KIF24: variants seen among roughly 807,000 people sequenced by gnomAD.
KIF24 encodes the protein kinesin-like protein KIF24.
Under a neutral mutation model 118.9 loss-of-function variants are expected in KIF24, and 81 were observed. That is an observed-to-expected ratio of 0.68 (90% CI 0.57 to 0.82). KIF24 has a LOEUF of 0.82. Ranked by LOEUF, KIF24 falls within the 40% of genes least tolerant of loss-of-function variation. The pLI is 0.00. For missense variants in KIF24, 1,560 were observed against 1,661.6 expected (o/e 0.94, Z 1.06); for synonymous variants, 599 against 610.0 (o/e 0.98, Z 0.27).
chr9:34,298,007 G>A (rs529383157), intron 3 of KIF24, among the ~76,000 whole-genome samples: 3 of 152,062 alleles, frequency 2.0e-5, no homozygotes, highest in South Asian at 2.1e-4. Context: ...GATAAAGTAC[G>A]TGTCGATTTC....
intron 8 of KIF24, among the ~76,000 whole-genome samples, chr9:34,263,393 G>C (rs530440588): frequency 1.3e-5 from 2 of 152,280 alleles, no homozygotes; most frequent in South Asian, 2.1e-4. Context: ...TCCCAGCTTA[G>C]AGGCTGGGAT....
At chr9:34,308,530 C>T (rs1345333181) in intron 2 of KIF24, among the ~76,000 whole-genome samples, 4 of 151,656 alleles carry the variant, frequency 2.6e-5, no homozygotes, top group South Asian at 4.2e-4. Flanking sequence ...GTGATCCACC[C>T]GCCTTGGCCT....
chr9:34,262,688 A>ATG (rs1835132451), intron 9 of KIF24, among the ~76,000 whole-genome samples: 4 of 27,416 alleles, frequency 1.5e-4, no homozygotes, highest in Non-Finnish European at 2.2e-4. Flanking sequence ...ATATATATAT[A>ATG]TATATATATA....
chr9:34,256,592 G>C lies in KIF24; in HGVS notation c.3015C>G (p.Thr1005=). ...CTGCACTGACTTCTCTCAGAGGTGT[G>C]GTGACTGTGTCTCTTTGGTCTGGGG... ...PGSPDQRDTV[T]TPLREVSADG... is the part of the protein sequence containing the mutation. The change falls in exon 11 of 13, where the codon ACC becomes ACG. Residue 1005 remains threonine, a synonymous_variant. Coordinates refer to ENST00000402558, the MANE Select transcript of KIF24 (RefSeq NM_194313.4). 6.2e-7 allele frequency: 1 copy of C among 1,613,996 alleles called. No homozygotes were observed. The highest frequency in any genetic ancestry group is 8.5e-7 in the Non-Finnish European group (1 of 1,179,900).
chr9:34,272,700 G>A (rs974214222), intron 6 of KIF24, among the ~76,000 whole-genome samples: 3 of 152,178 alleles, frequency 2.0e-5, no homozygotes, highest in Non-Finnish European at 4.4e-5. Flanking sequence ...ATAGCTCACT[G>A]CAGCCATGAC....
intron 1 of KIF24, among the ~76,000 whole-genome samples, chr9:34,319,821 A>T (rs1432457627): frequency 2.0e-5 from 3 of 152,074 alleles, no homozygotes; most frequent in Non-Finnish European, 4.4e-5. Flanking sequence ...TCCCAGCTAG[A>T]ATTTACTCCA....
rs139666494 is a variant in KIF24 at position 34,305,940 on chromosome 9, TTCC to T, written c.813+309_813+311del. ...TATTTAAATTATTTTTATTCCTTCA[TTCC>T]TCCTTTTTTTTGCTGAATATGTATA... On this transcript the variant is annotated intron_variant, in intron 3 of 12. Coordinates refer to ENST00000402558, the MANE Select transcript of KIF24 (RefSeq NM_194313.4). Among the ~76,000 whole-genome samples, 645 of 152,316 alleles carry T rather than the reference TTCC, an allele frequency of 4.2e-3. 5 individuals are homozygous for T. The highest frequency in any genetic ancestry group is 0.015 in the African/African-American group (609 of 41,572).
In KIF24 at chr9:34,318,991, T is replaced by C. The variant is rs1379662769; in HGVS notation, c.-25-7620A>G. On this transcript the variant is annotated intron_variant, in intron 1 of 12. Coordinates refer to ENST00000402558, the MANE Select transcript of KIF24 (RefSeq NM_194313.4). This position sits in a 1 kb window ranked among gnomAD's most constrained non-coding sequence, Gnocchi z 4.9. ...TCACCAAGGACATGGAGTGCATGGA[T>C]GGCGCCCTGCTTGTCAACACCATGT... The C allele has an allele frequency of 2.4e-6, 3 of 1,247,916 alleles. No homozygotes were observed. Among genetic ancestry groups the C allele is most frequent in the Admixed American group, 1.7e-5 (1 of 58,604 alleles). The allele number at this position is 1,247,916 out of a possible 1,614,324, so 77.3% of individuals were successfully genotyped here.
intron 1 of KIF24, among the ~76,000 whole-genome samples, chr9:34,311,795 CAT>C (rs888761617): frequency 1.6e-5 from 2 of 128,024 alleles, no homozygotes; most frequent in African/African-American, 5.8e-5. Flanking sequence ...TATACACACA[CAT>C]ATATATATAC....
chr9:34,295,170 AG>A (rs1836416774), intron 4 of KIF24, among the ~76,000 whole-genome samples: 1 of 148,858 alleles, frequency 6.7e-6, no homozygotes, highest in African/African-American at 2.5e-5. Context: ...GTAGATAGCT[AG>A]GTAGGTGGAT....
At chr9:34,306,221 T>G in intron 3 of KIF24, 31 bp downstream of exon 3, 1 of 1,440,608 alleles carries the variant, frequency 6.9e-7, no homozygotes, top group Non-Finnish European at 9.6e-7. Context: ...TTGATAATAT[T>G]AGTTCCAAAC....
chr9:34,306,391 CT>C lies in KIF24; in HGVS notation c.673del (p.Arg225GlufsTer11), dbSNP rs761925363. 3.7e-5 allele frequency: 60 copies of C among 1,612,686 alleles called. No homozygotes were observed. The highest frequency in any genetic ancestry group is 5.0e-5 in the Non-Finnish European group (59 of 1,179,312). On this transcript the variant is annotated frameshift_variant, in exon 3 of 13. Transcript: ENST00000402558. LOFTEE classifies it high-confidence loss of function. ...QNPWTEMEKI[R>X]VCVRKRPLGM... is the part of the protein sequence containing the mutation. ...CAGGGGGCGTTTTCGAACACAAACT[CT>C]GATTTTCTCCATCTCAGTCCAAGGA... is the stretch of plus-strand genomic sequence containing the variant.
At chr9:34,327,204 C>A (rs1215717529) in intron 1 of KIF24, among the ~76,000 whole-genome samples, 2 of 139,772 alleles carry the variant, frequency 1.4e-5, no homozygotes, top group South Asian at 2.3e-4. Flanking sequence ...ATTTATTTAA[C>A]AAAATGTGTT....
intron 6 of KIF24, among the ~76,000 whole-genome samples, chr9:34,278,966 G>A (rs1166860814): frequency 6.6e-6 from 1 of 152,148 alleles, no homozygotes; most frequent in East Asian, 1.9e-4. Flanking sequence ...TTAGCCAGGT[G>A]TAGTGGTGAA....
chr9:34,296,396 G>A (rs1307000174), intron 4 of KIF24, among the ~76,000 whole-genome samples: 20 of 151,344 alleles, frequency 1.3e-4, no homozygotes, highest in South Asian at 2.1e-4. Flanking sequence ...GCGTGGTGGC[G>A]GGCGCCTGTA....
Position 34,306,310 on chromosome 9 carries a change from T to C in KIF24, c.755A>G (p.Glu252Gly), listed in dbSNP as rs77040842. 2.1e-3 allele frequency: 3,327 copies of C among 1,610,702 alleles called. 49 individuals carry two copies. In the African/African-American group the frequency reaches 0.037, roughly 18 times the overall value. Residue 252 changes from glutamate (E) to glycine (G), a missense_variant, in exon 3 of 13, where the codon GAA becomes GGA. By Grantham distance (98) the Glu-to-Gly change is moderately conservative. Transcript: ENST00000402558. ...EINIITVEDK[E>G]TLLVHEKKEA... ...TTTCTTCTCATGCACAAGTAGAGTT[T>C]CTTTGTCTTCTACAGTAATAATATT...
chr9:34,297,547 G>A (rs1172672409), intron 3 of KIF24, among the ~76,000 whole-genome samples: 1 of 152,140 alleles, frequency 6.6e-6, no homozygotes, highest in East Asian at 1.9e-4. Context: ...CAGATCACAA[G>A]GTCAGGAGAT....
chr9:34,259,738 A>C, intron 9 of KIF24, 33 bp from the exon 10 acceptor site: 1 of 1,425,354 alleles, frequency 7.0e-7, no homozygotes, highest in Non-Finnish European at 9.9e-7. Flanking sequence ...CAATGAGTGA[A>C]GTCAATTAAC....
At chr9:34,288,307 T>C (rs1204468214) in intron 5 of KIF24, among the ~76,000 whole-genome samples, 3 of 151,848 alleles carry the variant, frequency 2.0e-5, no homozygotes, top group African/African-American at 7.3e-5. Flanking sequence ...GTAAGTAACA[T>C]AGGGAGACCC....
Sources: allele counts gnomAD v4.1 joint callset (sites outside exome capture counted in the v4.1 genomes callset), GRCh38; gene constraint gnomAD v4.1.1; non-coding constraint Gnocchi (gnomAD v3.1); transcripts MANE v1.5; gene names NCBI Gene and HGNC (gene_info 2026-07-23, HGNC 2026-07-21).